RELN: variants seen among roughly 807,000 people sequenced by gnomAD.
RELN encodes reelin.
RELN carries 108 observed loss-of-function variants against 427.6 expected under a neutral mutation model. That is an observed-to-expected ratio of 0.25 (90% CI 0.22 to 0.30). RELN has a LOEUF of 0.30. Ranked by LOEUF, RELN falls within the 10% of genes least tolerant of loss-of-function variation. The pLI is 1.00. For missense variants in RELN, 3,715 were observed against 4,302.8 expected, an observed-to-expected ratio of 0.86 and a Z score of 3.82; for synonymous variants, 1,524 against 1,513.4, an observed-to-expected ratio of 1.01 and a Z score of -0.16.
chr7:103,505,019 T>C (rs1256570326), intron 51 of RELN, among the ~76,000 whole-genome samples: 2 of 152,148 alleles, frequency 1.3e-5, no homozygotes, highest in Non-Finnish European at 2.9e-5. Context: ...CCACTCTAGA[T>C]TCCTCCTCTC....
intron 12 of RELN, among the ~76,000 whole-genome samples, chr7:103,658,642 T>C (rs1833072887): frequency 6.6e-6 from 1 of 152,046 alleles, no homozygotes; most frequent in African/African-American, 2.4e-5. Context: ...TTTTCTTCTC[T>C]CTACTGATAA....
chr7:103,909,837 AAT>A (rs3073416), intron 2 of RELN, among the ~76,000 whole-genome samples: 2 of 95,544 alleles, frequency 2.1e-5, no homozygotes, highest in Non-Finnish European at 3.6e-5. Context: ...ATATATATTT[AAT>A]ATATATATTT....
intron 2 of RELN, among the ~76,000 whole-genome samples, chr7:103,845,938 A>C (rs1167510910): frequency 6.6e-6 from 1 of 152,176 alleles, no homozygotes; most frequent in African/African-American, 2.4e-5. Context: ...GAAAATAGCC[A>C]CACTGCCCAA....
chr7:103,532,124 GA>G (rs3216268), intron 46 of RELN, among the ~76,000 whole-genome samples: 24,211 of 152,152 alleles, frequency 0.16, 2,661 homozygotes, highest in South Asian at 0.3. Flanking sequence ...AAAGGAATGA[GA>G]ATCATGTCCT....
rs959329568 is a variant in RELN, at chr7:103,661,392, C to A, written c.1425G>T (p.Arg475Ser). The A allele has an allele frequency of 2.5e-6, 4 of 1,613,736 alleles. No homozygotes were observed. The African/African-American group carries it at 4.0e-5, about 16-fold the overall frequency. ...SMDTTGYGNL[R>S]FYFVMGGICD... is the part of the protein sequence containing the mutation. The stretch of plus-strand genomic sequence containing the variant: ...TGTACTTACCCATCACAAAGTAAAA[C>A]CTCAGGTTCCCATAACCGGTAGTGT... The change falls in exon 12 of 65, where the codon AGG becomes AGT. Residue 475 changes from arginine (R) to serine (S), a missense_variant. Physicochemically the swap from Arg to Ser is moderately radical, Grantham distance 110. Around this residue, in one of 4 missense-constraint regions of RELN, gnomAD observed 2,208 missense variants for 2,361.7 expected, o/e 0.93. Coordinates refer to ENST00000428762, the MANE Select transcript of RELN (RefSeq NM_005045.4).
At chr7:103,708,882 C>A (rs1789715586) in intron 8 of RELN, among the ~76,000 whole-genome samples, 1 of 152,038 alleles carries the variant, frequency 6.6e-6, no homozygotes. Context: ...TCGTTGACCT[C>A]CGATTTAATT....
At chr7:103,891,872 C>T (rs1221899099) in intron 2 of RELN, among the ~76,000 whole-genome samples, 1 of 152,162 alleles carries the variant, frequency 6.6e-6, no homozygotes, top group Non-Finnish European at 1.5e-5. Flanking sequence ...CCAATGCACT[C>T]TGGACACTTT....
chr7:103,698,720 G>T (rs1834030185), intron 9 of RELN, among the ~76,000 whole-genome samples: 1 of 151,898 alleles, frequency 6.6e-6, no homozygotes, highest in African/African-American at 2.4e-5. Flanking sequence ...TTGCTATGTT[G>T]CCTGGGCTGG....
chr7:103,880,926 G>A (rs1243616188), intron 2 of RELN, among the ~76,000 whole-genome samples: 1 of 152,018 alleles, frequency 6.6e-6, no homozygotes, highest in East Asian at 1.9e-4. Context: ...GAACTCCTGA[G>A]CACAAACAAT....
chr7:103,736,518 C>T (rs1465030041), intron 6 of RELN, among the ~76,000 whole-genome samples: 1 of 152,170 alleles, frequency 6.6e-6, no homozygotes, highest in Admixed American at 6.6e-5. Flanking sequence ...TTTCTCATTA[C>T]TTTTCACTGA....
intron 28 of RELN, 53 bp from the exon 29 acceptor site, chr7:103,575,758 C>T (rs1830984672): frequency 2.5e-6 from 4 of 1,598,680 alleles, no homozygotes; most frequent in Non-Finnish European, 2.6e-6. Flanking sequence ...CATATCAAAG[C>T]ATTGGAATAT....
intron 11 of RELN, among the ~76,000 whole-genome samples, chr7:103,680,787 C>T (rs1380204737): frequency 6.6e-6 from 1 of 152,006 alleles, no homozygotes; most frequent in Non-Finnish European, 1.5e-5. Context: ...GACATTGGAG[C>T]TGTACTGCAC....
chr7:103,915,674 A>T (rs1795468576), intron 2 of RELN, among the ~76,000 whole-genome samples: 1 of 152,140 alleles, frequency 6.6e-6, no homozygotes, highest in African/African-American at 2.4e-5. Flanking sequence ...TCACCCCCAG[A>T]GGTTTTAATT....
intron 12 of RELN, among the ~76,000 whole-genome samples, chr7:103,658,206 T>C (rs1313879678): frequency 6.6e-6 from 1 of 152,102 alleles, no homozygotes; most frequent in Non-Finnish European, 1.5e-5. Flanking sequence ...AAATAGACGT[T>C]GAACTGAACT....
intron 46 of RELN, among the ~76,000 whole-genome samples, chr7:103,530,277 T>C (rs768491914): frequency 1.4e-4 from 22 of 152,202 alleles, no homozygotes; most frequent in Non-Finnish European, 2.5e-4. Context: ...TTCTCACTAT[T>C]TTACTAGGCT....
intron 52 of RELN, among the ~76,000 whole-genome samples, chr7:103,502,795 C>T (rs1375660727): frequency 2.0e-5 from 3 of 152,142 alleles, no homozygotes; most frequent in African/African-American, 4.8e-5. Flanking sequence ...TAAGAGTCTG[C>T]AAAAGCCCAT....
In RELN at chr7:103,557,464, G is replaced by A. The variant is rs185076175; in HGVS notation, c.5615-305C>T. Among the ~76,000 whole-genome samples the A allele has an allele frequency of 1.2e-4, 19 of 152,250 alleles. No individual in the cohort carries two copies. The East Asian group carries it at 2.5e-3, about 20-fold the overall frequency. ...AACATTTTGATTCTACAGGCATCAC[G>A]ATTTTACAAAGGGTCAAACATTTAA... is the stretch of plus-strand genomic sequence containing the variant. On this transcript the variant is annotated intron_variant, in intron 37 of 64. Coordinates refer to ENST00000428762, the MANE Select transcript of RELN (RefSeq NM_005045.4).
At chr7:103,600,235 C>A (rs1831632547) in intron 24 of RELN, among the ~76,000 whole-genome samples, 1 of 152,140 alleles carries the variant, frequency 6.6e-6, no homozygotes, top group African/African-American at 2.4e-5. Context: ...GGCTGGTGGG[C>A]AAATGGTCTA....
intron 3 of RELN, among the ~76,000 whole-genome samples, chr7:103,804,685 T>C (rs1012415633): frequency 1.3e-5 from 2 of 152,192 alleles, no homozygotes; most frequent in Non-Finnish European, 2.9e-5. Context: ...AACTAATGCA[T>C]GTTATCACTA....
Sources: gnomAD v4.1 joint callset for allele counts (sites outside exome capture counted in the v4.1 genomes callset) on GRCh38, gnomAD v4.1.1 for gene constraint, gnomAD v4.1.1 regional missense constraint, MANE v1.5 for transcripts, NCBI Gene and HGNC (gene_info 2026-07-23, HGNC 2026-07-21) for gene names.